Variants in SPMIP9 observed in about 807,000 individuals in gnomAD.
The protein encoded by SPMIP9 is protein SPMIP9.
the SPMIP9 span, among the ~76,000 whole-genome samples, chr2:88,526,660 G>A: frequency 1.4e-5 from 2 of 148,008 alleles, no homozygotes; most frequent in Admixed American, 6.7e-5. Context: ...GCATGTATGT[G>A]TGTGTATTTT....
the SPMIP9 span, among the ~76,000 whole-genome samples, chr2:88,527,440 T>TC: frequency 0.12 from 17,586 of 151,686 alleles, 1,284 homozygotes; most frequent in East Asian, 0.23. Context: ...CGAGACTCTA[T>TC]CCCCCCCAAA....
At chr2:88,526,376 T>A in the SPMIP9 span, 6 of 1,556,510 alleles carry the variant, frequency 3.9e-6, no homozygotes, top group South Asian at 3.3e-5. Context: ...CGAGGGAATC[T>A]CTTGTTTTAT....
the SPMIP9 span, chr2:88,529,341 A>G: frequency 6.2e-7 from 1 of 1,614,012 alleles, no homozygotes; most frequent in Non-Finnish European, 8.5e-7. Flanking sequence ...TGCCTCGTGG[A>G]TCCCAAACAC....
the SPMIP9 span, chr2:88,529,158 T>A: frequency 1.2e-6 from 2 of 1,614,158 alleles, no homozygotes; most frequent in Non-Finnish European, 1.7e-6. Context: ...AGACCCCACA[T>A]GACTGCCAAA....
At chr2:88,525,992 A>G in the SPMIP9 span, among the ~76,000 whole-genome samples, 1 of 152,126 alleles carries the variant, frequency 6.6e-6, no homozygotes. Context: ...AATCCATCAC[A>G]GTACACCCTG....
the SPMIP9 span, chr2:88,529,257 C>T: frequency 3.1e-6 from 5 of 1,614,178 alleles, no homozygotes; most frequent in South Asian, 4.4e-5. Context: ...TGCCATTTCA[C>T]ATATCCAGCT....
chr2:88,525,693 C>T, the SPMIP9 span: 7 of 1,613,858 alleles, frequency 4.3e-6, no homozygotes, highest in African/African-American at 1.3e-5. Flanking sequence ...GGGTTTCTGT[C>T]CCCTGTGACG....
At chr2:88,528,294 C>T in the SPMIP9 span, among the ~76,000 whole-genome samples, 2 of 150,572 alleles carry the variant, frequency 1.3e-5, no homozygotes, top group African/African-American at 5.0e-5. Context: ...TGCACCACGA[C>T]ACCCAGCTAA....
the SPMIP9 span, chr2:88,529,158 T>C: frequency 2.3e-5 from 37 of 1,614,040 alleles, no homozygotes; most frequent in East Asian, 1.3e-4. Context: ...AGACCCCACA[T>C]GACTGCCAAA....
the SPMIP9 span, among the ~76,000 whole-genome samples, chr2:88,528,140 T>C: frequency 5.1e-5 from 5 of 98,144 alleles, no homozygotes; most frequent in South Asian, 1.7e-3. Flanking sequence ...CATTTTCCCT[T>C]TTTTTTTTTT....
chr2:88,529,007 C>G, the SPMIP9 span: 1 of 1,565,434 alleles, frequency 6.4e-7, no homozygotes, highest in African/African-American at 1.4e-5. Flanking sequence ...TACATCATCT[C>G]TTGTCTCTCT....
At chr2:88,526,499 T>C in the SPMIP9 span, 1 of 1,612,530 alleles carries the variant, frequency 6.2e-7, no homozygotes, top group Non-Finnish European at 8.5e-7. Context: ...CCGCAAGAGG[T>C]AGGAAGGCAC....
At chr2:88,529,309 C>A in the SPMIP9 span, 1 of 1,614,152 alleles carries the variant, frequency 6.2e-7, no homozygotes, top group Non-Finnish European at 8.5e-7. Context: ...CCAACCAGGT[C>A]CTCCAGAGTG....
chr2:88,526,415 A>T, the SPMIP9 span: 5 of 1,613,446 alleles, frequency 3.1e-6, no homozygotes, highest in Admixed American at 8.3e-5. Context: ...GACCCTGTGG[A>T]TTTAGACATA....
At chr2:88,529,031 A>T in the SPMIP9 span, 1 of 1,599,216 alleles carries the variant, frequency 6.3e-7, no homozygotes, top group East Asian at 2.2e-5. Context: ...CCCTCCATTC[A>T]TGTGTGATTT....
the SPMIP9 span, among the ~76,000 whole-genome samples, chr2:88,528,432 C>T: frequency 6.6e-6 from 1 of 152,200 alleles, no homozygotes; most frequent in African/African-American, 2.4e-5. Flanking sequence ...GCCACCACAC[C>T]TGGCCCTAAG....
At chr2:88,525,659 A>G in the SPMIP9 span, 2 of 1,613,976 alleles carry the variant, frequency 1.2e-6, no homozygotes, top group African/African-American at 2.7e-5. Context: ...CAGGTGTGAA[A>G]TACCCGGGAC....
chr2:88,525,954 A>G, the SPMIP9 span, among the ~76,000 whole-genome samples: 6 of 152,270 alleles, frequency 3.9e-5, 1 homozygote, highest in South Asian at 1.2e-3. Context: ...GTCTAAGTAC[A>G]CTAAACCTGC....
chr2:88,529,146 A>G, the SPMIP9 span: 1 of 1,614,152 alleles, frequency 6.2e-7, no homozygotes, highest in Non-Finnish European at 8.5e-7. Flanking sequence ...CCTGCTTTCA[A>G]AAGACCCCAC....
Sources: gnomAD v4.1 joint callset for allele counts (sites outside exome capture counted in the v4.1 genomes callset) on GRCh38, gnomAD v4.1.1 for gene constraint, MANE v1.5 for transcripts, NCBI Gene and HGNC (gene_info 2026-07-23, HGNC 2026-07-21) for gene names.